The following DNAH10 variants were observed in gnomAD, a reference collection of about 807,000 sequenced individuals.
DNAH10 encodes axonemal beta dynein heavy chain 10.
Under a neutral mutation model 506.6 loss-of-function variants are expected in DNAH10, and 348 were observed. The observed-to-expected ratio is 0.69, with a 90% confidence interval of 0.63 to 0.75. The LOEUF is 0.75. Among genes scored for constraint, DNAH10 ranks in the 30% least tolerant of loss-of-function variants. The pLI, the probability that DNAH10 is intolerant of heterozygous loss-of-function variation, is 0.00. For missense variants in DNAH10, 5,179 were observed against 5,787.1 expected (o/e 0.89, Z 3.41); for synonymous variants, 2,059 against 2,198.6 (o/e 0.94, Z 1.78).
chr12:123,885,177 A>G (rs1760784449), intron 51 of DNAH10, among the ~76,000 whole-genome samples: 1 of 152,268 alleles, frequency 6.6e-6, no homozygotes, highest in African/African-American at 2.4e-5. Context: ...AAGTTGAACC[A>G]GAGGAAGTCA....
At position 123,803,740 on chromosome 12, in the gene DNAH10, A is replaced by G. The variant is rs754201408; in HGVS notation, c.2694A>G (p.Ala898=). ...ESLVHQIHKN[A]DDISSRLTLI... is the part of the protein sequence containing the mutation. ...TCGTCCACCAGATTCATAAGAATGC[A>G]GATGACATTTCTTCCAGGCTGACAT... is the stretch of plus-strand genomic sequence containing the variant. The change falls in exon 17 of 79, where the codon GCA becomes GCG. Residue 898 remains alanine, a synonymous_variant. Coordinates refer to ENST00000673944, the MANE Select transcript of DNAH10 (RefSeq NM_001372106.1). The G allele has an allele frequency of 6.2e-7, 1 of 1,611,570 alleles. No individual in the cohort carries two copies. Among genetic ancestry groups the G allele is most frequent in the South Asian group, 1.1e-5 (1 of 90,572 alleles).
intron 16 of DNAH10, among the ~76,000 whole-genome samples, chr12:123,802,257 G>A (rs1265797518): frequency 6.6e-6 from 1 of 152,206 alleles, no homozygotes; most frequent in Non-Finnish European, 1.5e-5. Context: ...TAAATGCCCA[G>A]GAGTGCAGTT....
At chr12:123,872,315 G>A (rs899226393) in intron 45 of DNAH10, among the ~76,000 whole-genome samples, 3 of 152,126 alleles carry the variant, frequency 2.0e-5, no homozygotes, top group African/African-American at 7.2e-5. Flanking sequence ...GCAGGCAGTG[G>A]GGGGATAAAC....
intron 5 of DNAH10, 118 bp from the exon 6 acceptor site, chr12:123,780,962 A>AAT: frequency 3.8e-6 from 3 of 779,226 alleles, no homozygotes; most frequent in Non-Finnish European, 5.8e-6. Context: ...AAAAAAAAAA[A>AAT]GAATATTCAA....
In DNAH10 at chr12:123,889,305, C is replaced by T. The variant is rs143236285; in HGVS notation, c.8995+1992C>T. Among the ~76,000 whole-genome samples the T allele has an allele frequency of 8.5e-5, 13 of 152,312 alleles. No homozygotes were observed. In the South Asian group the frequency reaches 1.9e-3, roughly 22 times the overall value. The stretch of plus-strand genomic sequence containing the variant: ...GATGTAAAATTTACATACAGGGAAA[C>T]GCACAACATTTTAAGTGTATATTTG... On this transcript the variant is annotated intron_variant, in intron 52 of 78. Coordinates refer to ENST00000673944, the MANE Select transcript of DNAH10 (RefSeq NM_001372106.1).
At position 123,930,495 on chromosome 12, in the gene DNAH10, T is replaced by C; in HGVS notation, c.12706T>C (p.Phe4236Leu). 1 of 1,611,074 alleles carries C rather than the reference T, an allele frequency of 6.2e-7. No individual in the cohort carries two copies. The highest frequency in any genetic ancestry group is 8.5e-7 in the Non-Finnish European group (1 of 1,179,100). ...CCTGGGGGACTTCATTTTTGATACT[T>C]TCCAGCCATTCCACTTCTTCCGGAA... ...EYLGDFIFDTFQPFHFFRNKE... is the reference protein window; with the variant it reads ...EYLGDFIFDTLQPFHFFRNKE... The change falls in exon 73 of 79, where the codon TTC (phenylalanine) becomes CTC (leucine). Residue 4236 changes from phenylalanine to leucine, a missense_variant. Phe to Leu is a conservative substitution (Grantham distance 22). Around this residue, in one of 3 missense-constraint regions of DNAH10, gnomAD observed 4,844 missense variants for 5,430.5 expected, o/e 0.89. Transcript: ENST00000673944.
At chr12:123,782,584 G>T (rs1418438926) in intron 6 of DNAH10, among the ~76,000 whole-genome samples, 4 of 151,400 alleles carry the variant, frequency 2.6e-5, no homozygotes, top group Non-Finnish European at 5.9e-5. Flanking sequence ...GCTAATTTTT[G>T]TATTTTTAGC....
chr12:123,806,077 C>A (rs947609174), intron 18 of DNAH10, among the ~76,000 whole-genome samples: 1 of 151,980 alleles, frequency 6.6e-6, no homozygotes, highest in Non-Finnish European at 1.5e-5. Context: ...CGCCCGGCCA[C>A]CCCGCCTGAC....
Position 123,762,587 on chromosome 12 carries a change from C to T in DNAH10, c.214+37C>T, listed in dbSNP as rs1468689474. ...CGCGCCGCTCCCTTCCCCGGGCTTC[C>T]CTCCTGCCCGTCCCGGCCTCTCCGG... is the stretch of plus-strand genomic sequence containing the variant. On this transcript the variant is annotated intron_variant, in intron 1 of 78. Coordinates refer to ENST00000673944, the MANE Select transcript of DNAH10 (RefSeq NM_001372106.1). This position sits in a 1 kb window ranked among gnomAD's most constrained non-coding sequence, Gnocchi z 5.0. The T allele has an allele frequency of 3.3e-6, 5 of 1,524,146 alleles. No homozygotes were observed. The allele number at this position is 1,524,146 out of a possible 1,614,324, so 94.4% of individuals were successfully genotyped here.
At chr12:123,914,800 T>C (rs1954391500) in intron 61 of DNAH10, 52 bp from the exon 62 acceptor site, 1 of 1,592,584 alleles carries the variant, frequency 6.3e-7, no homozygotes, top group African/African-American at 1.3e-5. Flanking sequence ...CCTTAGCCCT[T>C]GGCTCACAAA....
chr12:123,902,875 G>T lies in DNAH10; in HGVS notation c.9641-64G>T. On this transcript the variant is annotated intron_variant, in intron 56 of 78. Transcript: ENST00000673944. This position sits in a 1 kb window ranked among gnomAD's most constrained non-coding sequence, Gnocchi z 4.5. Reference sequence around the variant, plus strand: ...CTTTGAGGACTGCACTCTGCTCAGAGCCGGGGCCGCGAGTGCATCTCCTCT... The same window carrying T: ...CTTTGAGGACTGCACTCTGCTCAGATCCGGGGCCGCGAGTGCATCTCCTCT... 1 of 1,509,494 alleles carries T rather than the reference G, an allele frequency of 6.6e-7. No homozygotes were observed. Among genetic ancestry groups the T allele is most frequent in the African/African-American group, 1.4e-5 (1 of 71,850 alleles). The allele number at this position is 1,509,494 out of a possible 1,614,324, so 93.5% of individuals were successfully genotyped here. A position where few individuals can be genotyped will look rare whatever the true frequency, so the allele number is the denominator to read the frequency against.
Position 123,928,861 on chromosome 12 carries a change from C to T in DNAH10, c.12306+274C>T, listed in dbSNP as rs545504030. 5 of 465,844 alleles carry T rather than the reference C, an allele frequency of 1.1e-5. No individual in the cohort carries two copies. Among genetic ancestry groups the T allele is most frequent in the African/African-American group, 2.8e-5 (1 of 35,548 alleles). The allele number at this position is 465,844 out of a possible 1,614,324, so 28.9% of individuals were successfully genotyped here. On this transcript the variant is annotated intron_variant, in intron 70 of 78. Transcript: ENST00000673944. This position sits in a 1 kb window ranked among gnomAD's most constrained non-coding sequence, Gnocchi z 4.9. ...TACTTTTCATAAACTTCACGGCCCC[C>T]CCCCCCACACACAGCCTGCAGTTCG...
At position 123,917,870 on chromosome 12, in the gene DNAH10, A is replaced by T; in HGVS notation, c.11232+57A>T. 1 of 1,518,214 alleles carries T rather than the reference A, an allele frequency of 6.6e-7. No individual in the cohort carries two copies. The highest frequency in any genetic ancestry group is 8.9e-7 in the Non-Finnish European group (1 of 1,120,796). 94.0% of individuals were successfully genotyped at this position (1,518,214 alleles called of 1,614,324 possible). On this transcript the variant is annotated intron_variant, in intron 64 of 78. Transcript: ENST00000673944. This position sits in a 1 kb window ranked among gnomAD's most constrained non-coding sequence, Gnocchi z 5.6. Reference sequence around the variant, plus strand: ...AGGCGGGGCCTGCATGCGCCGTTGGAGCGTCCATTTCTCTGTCTGCTCAAT... The same window carrying T: ...AGGCGGGGCCTGCATGCGCCGTTGGTGCGTCCATTTCTCTGTCTGCTCAAT...
In DNAH10 at chr12:123,903,309, C is replaced by T. The variant is rs151314887; in HGVS notation, c.9815+196C>T. Among the ~76,000 whole-genome samples, 9 of 152,196 alleles carry T rather than the reference C, an allele frequency of 5.9e-5. No homozygotes were observed. Among genetic ancestry groups the T allele is most frequent in the South Asian group, 2.1e-4 (1 of 4,814 alleles). ...ATGAGGCCCAGGGAGATGAGGTGGG[C>T]GCCCCAGGCATCCAGATCCCCCAGC... On this transcript the variant is annotated intron_variant, in intron 57 of 78. Coordinates refer to ENST00000673944, the MANE Select transcript of DNAH10 (RefSeq NM_001372106.1). This position sits in a 1 kb window ranked among gnomAD's most constrained non-coding sequence, Gnocchi z 4.6.
intron 24 of DNAH10, among the ~76,000 whole-genome samples, chr12:123,821,407 T>C: frequency 6.6e-6 from 1 of 152,232 alleles, no homozygotes; most frequent in East Asian, 1.9e-4. Flanking sequence ...AATAACTCAC[T>C]GCAGCCTCGA....
chr12:123,876,538 C>T (rs1952262470), intron 47 of DNAH10, among the ~76,000 whole-genome samples: 1 of 152,046 alleles, frequency 6.6e-6, no homozygotes, highest in African/African-American at 2.4e-5. Flanking sequence ...GAGGATGAGG[C>T]AGGAAAATTG....
At chr12:123,844,248 G>A (rs754983845) in intron 30 of DNAH10, among the ~76,000 whole-genome samples, 3 of 152,162 alleles carry the variant, frequency 2.0e-5, no homozygotes, top group Non-Finnish European at 4.4e-5. Context: ...CCATGATCCA[G>A]TCACCTCCCA....
chr12:123,808,944 G>C lies in DNAH10; in HGVS notation c.3135G>C (p.Glu1045Asp). The C allele has an allele frequency of 6.2e-7, 1 of 1,614,112 alleles. No homozygotes were observed. Among genetic ancestry groups the C allele is most frequent in the South Asian group, 1.1e-5 (1 of 91,072 alleles). The change falls in exon 19 of 79, where the codon GAG (glutamate) becomes GAC (aspartate). Residue 1045 changes from glutamate (E) to aspartate (D), a missense_variant. By Grantham distance (45) the Glu-to-Asp change is conservative (BLOSUM62 2). This residue lies in a region of DNAH10 where 4,844 missense variants were observed against 5,430.5 expected (regional missense o/e 0.89). Transcript: ENST00000673944. ...MCFHCVRNCV[E>D]ITKHFVRWMN... The stretch of plus-strand genomic sequence containing the variant: ...TCCATTGTGTCCGGAATTGCGTGGA[G>C]ATCACCAAGGTGAGAGCGGAGGTGC...
intron 50 of DNAH10, 122 bp downstream of exon 50, chr12:123,879,923 A>C: frequency 8.5e-7 from 1 of 1,183,390 alleles, no homozygotes; most frequent in Non-Finnish European, 1.2e-6. Context: ...AGGGCTTGAA[A>C]TACGGGCTTG....
Sources: allele counts gnomAD v4.1 joint callset (sites outside exome capture counted in the v4.1 genomes callset), GRCh38; gene constraint gnomAD v4.1.1; regional missense constraint gnomAD v4.1.1; non-coding constraint Gnocchi (gnomAD v3.1); transcripts MANE v1.5; gene names NCBI Gene and HGNC (gene_info 2026-07-23, HGNC 2026-07-21).